Variants in NRXN1 observed in about 807,000 individuals in gnomAD.
The protein encoded by NRXN1 is neurexin-1.
A neutral mutation model predicts 150.9 loss-of-function variants in NRXN1; 39 were observed. The ratio of observed to expected loss-of-function variants is 0.26; its 90% confidence interval spans 0.20 to 0.34. The LOEUF is 0.34. NRXN1 is among the 10% of genes least tolerant of loss of function. NRXN1 has a pLI of 1.00. For missense variants in NRXN1, 1,815 were observed against 1,949.9 expected (o/e 0.93, Z 1.30); for synonymous variants, 924 against 757.0 (o/e 1.22, Z -3.62).
chr2:50,957,198 T>C (rs1692415150), intron 2 of NRXN1, among the ~76,000 whole-genome samples: 1 of 152,116 alleles, frequency 6.6e-6, no homozygotes, highest in African/African-American at 2.4e-5. Context: ...AACCTGTTGG[T>C]CAAGATGATG....
At chr2:50,021,211 A>G (rs1687512955) in intron 21 of NRXN1, among the ~76,000 whole-genome samples, 1 of 152,192 alleles carries the variant, frequency 6.6e-6, no homozygotes, top group Non-Finnish European at 1.5e-5. Flanking sequence ...GCTAATGTGA[A>G]ATATCTGCTG....
At chr2:50,329,181 G>T (rs927354731) in intron 17 of NRXN1, among the ~76,000 whole-genome samples, 5 of 151,960 alleles carry the variant, frequency 3.3e-5, no homozygotes, top group Non-Finnish European at 7.4e-5. Flanking sequence ...ACTAAAAAGG[G>T]CTAACAACAT....
chr2:50,268,162 C>T (rs2152920394), intron 17 of NRXN1, among the ~76,000 whole-genome samples: 1 of 152,142 alleles, frequency 6.6e-6, no homozygotes, highest in Non-Finnish European at 1.5e-5. Flanking sequence ...TTCACTTCAG[C>T]ATGGGTGACA....
intron 5 of NRXN1, among the ~76,000 whole-genome samples, chr2:50,790,686 G>A (rs1705814817): frequency 6.6e-6 from 1 of 152,180 alleles, no homozygotes; most frequent in African/African-American, 2.4e-5. Context: ...CTTGGGATAA[G>A]AAGTGTTTCA....
At chr2:50,440,200 GAGGAGAT>G (rs1329385988) in intron 17 of NRXN1, among the ~76,000 whole-genome samples, 1 of 152,146 alleles carries the variant, frequency 6.6e-6, no homozygotes, top group Non-Finnish European at 1.5e-5. Flanking sequence ...CACTGGGCAT[GAGGAGAT>G]AGGCTGATTA....
chr2:50,470,799 T>A (rs958371977), intron 16 of NRXN1, among the ~76,000 whole-genome samples: 1 of 151,758 alleles, frequency 6.6e-6, no homozygotes, highest in Non-Finnish European at 1.5e-5. Flanking sequence ...TTTGCTCAAA[T>A]AATCTGAGGT....
chr2:50,578,567 T>C (rs929521921), intron 8 of NRXN1, among the ~76,000 whole-genome samples: 2 of 152,294 alleles, frequency 1.3e-5, no homozygotes, highest in African/African-American at 4.8e-5. Context: ...TCTACCTATC[T>C]TAATTCAGAT....
At chr2:50,625,822 A>C (rs1267827562) in intron 5 of NRXN1, among the ~76,000 whole-genome samples, 1 of 152,094 alleles carries the variant, frequency 6.6e-6, no homozygotes, top group African/African-American at 2.4e-5. Context: ...CTGTGCAGAC[A>C]TCTGGTAAAG....
At chr2:50,673,515 A>C (rs1689138104) in intron 5 of NRXN1, among the ~76,000 whole-genome samples, 1 of 152,224 alleles carries the variant, frequency 6.6e-6, no homozygotes, top group South Asian at 2.1e-4. Flanking sequence ...AGAGAAAGGT[A>C]ATCTTCAGTA....
chr2:50,608,228 T>C (rs949802628), intron 8 of NRXN1, among the ~76,000 whole-genome samples: 3 of 152,228 alleles, frequency 2.0e-5, no homozygotes, highest in East Asian at 1.9e-4. Context: ...TCGTGATCCA[T>C]AAAATAATTG....
chr2:50,630,944 C>T (rs1312103035), intron 5 of NRXN1, among the ~76,000 whole-genome samples: 1 of 151,590 alleles, frequency 6.6e-6, no homozygotes, highest in African/African-American at 2.4e-5. Context: ...TAAGATAAAA[C>T]AACTTTAGAA....
chr2:50,895,958 C>G (rs2103889571), intron 5 of NRXN1, among the ~76,000 whole-genome samples: 1 of 152,146 alleles, frequency 6.6e-6, no homozygotes, highest in South Asian at 2.1e-4. Flanking sequence ...CGCTCCACAA[C>G]CCTCCAAAGC....
At chr2:50,654,600 G>A (rs1415101325) in intron 5 of NRXN1, among the ~76,000 whole-genome samples, 11 of 151,940 alleles carry the variant, frequency 7.2e-5, no homozygotes, top group African/African-American at 2.2e-4. Flanking sequence ...CTGAGGAATC[G>A]CCACACTGAC....
chr2:50,620,096 C>G lies in NRXN1; in HGVS notation c.1246G>C (p.Val416Leu), dbSNP rs544649921. The G allele has an allele frequency of 6.2e-7, 1 of 1,613,370 alleles. No homozygotes were observed. The highest frequency in any genetic ancestry group is 2.2e-5 in the East Asian group (1 of 44,792). ...TMLGSDDFFYVGGSPSTADLP... is the reference protein window; with the variant it reads ...TMLGSDDFFYLGGSPSTADLP... ...TCGGCTGTGCTGGGACTGCCTCCAA[C>G]ATAGAAAAAGTCATCAGACCCCAGC... The change falls in exon 8 of 23, where the codon GTT (valine) becomes CTT (leucine). Residue 416 changes from valine to leucine, a missense_variant. Around this residue, in one of 6 missense-constraint regions of NRXN1, gnomAD observed 638 missense variants for 652.6 expected, o/e 0.98. Coordinates refer to ENST00000401669, the MANE Select transcript of NRXN1 (RefSeq NM_001330078.2).
chr2:50,250,645 G>A (rs2066951148), intron 17 of NRXN1, among the ~76,000 whole-genome samples: 1 of 151,740 alleles, frequency 6.6e-6, no homozygotes, highest in Non-Finnish European at 1.5e-5. Flanking sequence ...CTTTAACAAG[G>A]AGTCACATAA....
intron 17 of NRXN1, among the ~76,000 whole-genome samples, chr2:50,363,725 G>A (rs190381686): frequency 6.6e-6 from 1 of 152,274 alleles, no homozygotes; most frequent in Non-Finnish European, 1.5e-5. Flanking sequence ...ATTTGATTCA[G>A]CAATCCCATT....
intron 5 of NRXN1, among the ~76,000 whole-genome samples, chr2:50,874,924 A>C (rs914694625): frequency 6.6e-6 from 1 of 151,858 alleles, no homozygotes; most frequent in Non-Finnish European, 1.5e-5. Flanking sequence ...AAATGGGTAG[A>C]TTTAGATGCT....
intron 5 of NRXN1, among the ~76,000 whole-genome samples, chr2:50,703,316 G>C (rs1209562031): frequency 6.6e-6 from 1 of 152,072 alleles, no homozygotes; most frequent in Non-Finnish European, 1.5e-5. Context: ...AACAGATCCA[G>C]GTAACTCTTT....
chr2:50,012,491 A>G (rs753793075), intron 21 of NRXN1, among the ~76,000 whole-genome samples: 6 of 152,082 alleles, frequency 3.9e-5, no homozygotes, highest in Non-Finnish European at 5.9e-5. Flanking sequence ...TCTGGTTTTC[A>G]TTTTTCTTTA....
Sources: allele counts gnomAD v4.1 joint callset (sites outside exome capture counted in the v4.1 genomes callset), GRCh38; gene constraint gnomAD v4.1.1; regional missense constraint gnomAD v4.1.1; transcripts MANE v1.5; gene names NCBI Gene and HGNC (gene_info 2026-07-23, HGNC 2026-07-21).